LRRIQ1: variants seen among roughly 807,000 people sequenced by gnomAD.
LRRIQ1 encodes leucine-rich repeat- and IQ domain-containing protein 1.
LRRIQ1 carries 210 observed loss-of-function variants against 211.9 expected under a neutral mutation model. The ratio of observed to expected loss-of-function variants is 0.99; its 90% CI spans 0.89 to 1.11. The LOEUF is 1.11. LRRIQ1 is among the 50% of genes most tolerant of loss of function. The pLI is 0.00. For synonymous variants in LRRIQ1, 699 were observed against 650.1 expected, an observed-to-expected ratio of 1.08 and a Z score of -1.14; for missense variants, 2,136 against 1,939.5, an observed-to-expected ratio of 1.10 and a Z score of -1.90.
intron 18 of LRRIQ1, among the ~76,000 whole-genome samples, chr12:85,136,029 A>C (rs1208722375): frequency 6.6e-6 from 1 of 152,032 alleles, no homozygotes; most frequent in Non-Finnish European, 1.5e-5. Context: ...TTTTGAAATT[A>C]TAGTTAGGAC....
At chr12:85,182,453 C>T (rs1892025786) in intron 24 of LRRIQ1, among the ~76,000 whole-genome samples, 1 of 152,040 alleles carries the variant, frequency 6.6e-6, no homozygotes. Context: ...ACAAACTGGG[C>T]TTATGGAAAT....
intron 24 of LRRIQ1, among the ~76,000 whole-genome samples, chr12:85,201,046 G>A (rs1256962532): frequency 6.6e-6 from 1 of 151,608 alleles, no homozygotes; most frequent in Non-Finnish European, 1.5e-5. Context: ...GGCCAGGCTG[G>A]TCTTGAACTC....
At chr12:85,044,622 A>G in intron 3 of LRRIQ1, 96 bp from the exon 4 acceptor site, 1 of 552,202 alleles carries the variant, frequency 1.8e-6, no homozygotes. Context: ...ATACCCTGAT[A>G]GAATTTGAGG....
At chr12:85,182,750 G>T (rs898289815) in intron 24 of LRRIQ1, among the ~76,000 whole-genome samples, 5 of 152,086 alleles carry the variant, frequency 3.3e-5, no homozygotes, top group Admixed American at 6.6e-5. Context: ...CCAAAAAAGA[G>T]CCAGGATAAA....
rs758484541 is a variant in LRRIQ1, at chr12:85,056,525, A to T, written c.1732A>T (p.Asn578Tyr). Residue 578 changes from asparagine to tyrosine, a missense_variant, in exon 8 of 27, where the codon AAT becomes TAT. Transcript: ENST00000393217. ...TGAAGAGCAGAAAATAATCAAAGAT[A>T]ATCAGCAGAAAAAGATACAAAAAGT... ...TNEEQKIIKD[N>Y]QQKKIQKVEK... The T allele has an allele frequency of 1.2e-6, 2 of 1,611,642 alleles. No homozygotes were observed. Among genetic ancestry groups the T allele is most frequent in the Non-Finnish European group, 1.7e-6 (2 of 1,178,946 alleles).
intron 15 of LRRIQ1, among the ~76,000 whole-genome samples, chr12:85,110,977 A>G (rs542851863): frequency 6.6e-6 from 1 of 152,232 alleles, no homozygotes; most frequent in South Asian, 2.1e-4. Context: ...TTAGAGAGGT[A>G]TTTACAAAAG....
chr12:85,154,054 G>T lies in LRRIQ1; in HGVS notation c.4680G>T (p.Arg1560Ser). Residue 1560 changes from arginine (R) to serine (S), a missense_variant, in exon 23 of 27, where the codon AGG becomes AGT. By Grantham distance (110) the Arg-to-Ser change is moderately radical. Coordinates refer to ENST00000393217, the MANE Select transcript of LRRIQ1 (RefSeq NM_001079910.2). The stretch of plus-strand genomic sequence containing the variant: ...CTACTGCTCAGCAAATGTTGAAGAG[G>T]GCACAGAAAATGAAATCGAAGAAAC... Reference protein sequence around the residue: ...DISTAQQMLKRAQKMKSKKLK... With the variant: ...DISTAQQMLKSAQKMKSKKLK... 2 of 1,567,206 alleles carry T rather than the reference G, an allele frequency of 1.3e-6. No individual in the cohort carries two copies. Among genetic ancestry groups the T allele is most frequent in the South Asian group, 2.4e-5 (2 of 82,320 alleles).
At chr12:85,057,933 A>T (rs1881316892) in intron 8 of LRRIQ1, among the ~76,000 whole-genome samples, 1 of 152,164 alleles carries the variant, frequency 6.6e-6, no homozygotes, top group Middle Eastern at 3.4e-3. Context: ...TTCTTGATAG[A>T]CTTTCTTGCT....
intron 26 of LRRIQ1, chr12:85,233,160 A>C: frequency 4.5e-6 from 1 of 223,316 alleles, no homozygotes; most frequent in Non-Finnish European, 8.8e-6. Context: ...TGTGAGCTCA[A>C]CCACTCTATG....
the LRRIQ1 span, among the ~76,000 whole-genome samples, chr12:85,270,978 T>C: frequency 1.3e-5 from 2 of 152,172 alleles, no homozygotes; most frequent in African/African-American, 4.8e-5. Context: ...CAAACTTGCT[T>C]ATCTGTATAA....
At chr12:85,257,056 A>ATAAATATATATAATTAT (rs530643270) in intron 1 of LRRIQ1, among the ~76,000 whole-genome samples, 1 of 117,780 alleles carries the variant, frequency 8.5e-6, no homozygotes, top group Non-Finnish European at 1.7e-5. Flanking sequence ...TTATATATAT[A>ATAAATATATATAATTAT]ATTATATAAT....
rs182062195 is a variant in LRRIQ1, at chr12:85,211,542, T to C, written c.4823-17975T>C. Among the ~76,000 whole-genome samples the C allele has an allele frequency of 2.6e-5, 4 of 152,276 alleles. No individual in the cohort carries two copies. The East Asian group carries it at 7.7e-4, about 29-fold the overall frequency. ...TTTTATGTAGCAGAGAGAGAGAAAG[T>C]ATTGGAATCACACAAACTTTGGCTC... On this transcript the variant is annotated intron_variant, in intron 24 of 26. Transcript: ENST00000393217.
chr12:85,232,598 A>G (rs2137201403), intron 25 of LRRIQ1, 98 bp from the exon 26 acceptor site: 1 of 914,554 alleles, frequency 1.1e-6, no homozygotes, highest in East Asian at 2.6e-5. Flanking sequence ...CATTTTGTAA[A>G]TAACGAATTT....
rs199969972 is a variant in LRRIQ1 at position 85,229,516 on chromosome 12, G to A, written c.4823-1G>A. 3 of 1,602,756 alleles carry A rather than the reference G, an allele frequency of 1.9e-6. No homozygotes were observed. Among genetic ancestry groups the A allele is most frequent in the African/African-American group, 1.4e-5 (1 of 73,932 alleles). The stretch of plus-strand genomic sequence containing the variant: ...GTACACGTTCCATATTTCTTTCACA[G>A]GTATAGAAGAAGACCCTATCCACAA... On this transcript the variant is annotated splice_acceptor_variant, in intron 24 of 26. Transcript: ENST00000393217. LOFTEE classifies it high-confidence loss of function.
chr12:85,260,100 C>T (rs905108249), intron 1 of LRRIQ1, among the ~76,000 whole-genome samples: 4 of 148,440 alleles, frequency 2.7e-5, no homozygotes, highest in Non-Finnish European at 5.9e-5. Flanking sequence ...AAAGTACTAC[C>T]CTCCTTACAT....
intron 24 of LRRIQ1, among the ~76,000 whole-genome samples, chr12:85,191,968 C>T (rs1201844184): frequency 1.3e-5 from 2 of 151,396 alleles, no homozygotes; most frequent in Non-Finnish European, 2.9e-5. Context: ...TGGGGTTGTT[C>T]GTTTTCTAAT....
At chr12:85,036,983 A>G (rs1878190307) in intron 1 of LRRIQ1, among the ~76,000 whole-genome samples, 1 of 152,120 alleles carries the variant, frequency 6.6e-6, no homozygotes, top group African/African-American at 2.4e-5. Flanking sequence ...GCTACTGAGG[A>G]CTTGAAATGC....
chr12:85,070,477 G>A (rs1882968050), intron 10 of LRRIQ1, among the ~76,000 whole-genome samples: 1 of 151,914 alleles, frequency 6.6e-6, no homozygotes, highest in African/African-American at 2.4e-5. Context: ...ATGGTTTGTA[G>A]CAGAATGACA....
At chr12:85,166,402 G>T (rs924981603) in intron 24 of LRRIQ1, among the ~76,000 whole-genome samples, 94 of 152,172 alleles carry the variant, frequency 6.2e-4, no homozygotes, top group African/African-American at 2.2e-3. Flanking sequence ...TAGAAGATTT[G>T]CAGATAACTC....
Sources: gnomAD v4.1 joint callset for allele counts (sites outside exome capture counted in the v4.1 genomes callset) on GRCh38, gnomAD v4.1.1 for gene constraint, MANE v1.5 for transcripts, NCBI Gene and HGNC (gene_info 2026-07-23, HGNC 2026-07-21) for gene names.